Variants in CCSER2 observed in about 807,000 individuals in gnomAD.
The protein encoded by CCSER2 is coiled-coil serine rich protein 2.
A neutral mutation model predicts 92.3 loss-of-function variants in CCSER2; 46 were observed. The observed-to-expected ratio is 0.50, with a 90% CI of 0.39 to 0.64. CCSER2 has a LOEUF of 0.64. Among genes scored for constraint, CCSER2 ranks in the 30% least tolerant of loss-of-function variants. The pLI, the probability that CCSER2 is intolerant of heterozygous loss-of-function variation, is 0.00. For synonymous variants in CCSER2, 433 were observed against 431.4 expected (o/e 1.00, Z -0.04); for missense variants, 1,244 against 1,238.9 (o/e 1.00, Z -0.06).
In CCSER2 at chr10:84,517,331, A is replaced by G. The variant is rs541471998; in HGVS notation, c.*3064A>G. The G allele has an allele frequency of 6.5e-6, 1 of 152,746 alleles. No individual in the cohort carries two copies. The highest frequency in any genetic ancestry group is 1.5e-5 in the Non-Finnish European group (1 of 68,018). The allele number at this position is 152,746 out of a possible 1,614,324, so 9.5% of individuals were successfully genotyped here. A position where few individuals can be genotyped will look rare whatever the true frequency, so the allele number is the denominator to read the frequency against. On this transcript the variant is annotated 3_prime_UTR_variant, in exon 10 of 10. Transcript: ENST00000372088. ...AGGTGCAGATGATTTTAAGGCATTA[A>G]AGGATTATAGAGTTATGTCATTTAG...
chr10:84,403,477 T>C, intron 3 of CCSER2, among the ~76,000 whole-genome samples: 1 of 152,208 alleles, frequency 6.6e-6, no homozygotes, highest in East Asian at 1.9e-4. Flanking sequence ...CAAAAAACTC[T>C]ATTAAGAGGA....
intron 8 of CCSER2, among the ~76,000 whole-genome samples, chr10:84,472,422 T>G (rs1846867933): frequency 6.6e-6 from 1 of 151,754 alleles, no homozygotes; most frequent in South Asian, 2.1e-4. Flanking sequence ...TACAAAAAAT[T>G]TAGCTGGTTG....
At chr10:84,347,647 C>T (rs1330254418) in intron 1 of CCSER2, among the ~76,000 whole-genome samples, 1 of 151,830 alleles carries the variant, frequency 6.6e-6, no homozygotes, top group Non-Finnish European at 1.5e-5. Flanking sequence ...CGGAGACGCT[C>T]CTGACTTCCC....
At chr10:84,385,250 A>C (rs763231931) in intron 3 of CCSER2, among the ~76,000 whole-genome samples, 11 of 152,182 alleles carry the variant, frequency 7.2e-5, no homozygotes, top group Admixed American at 3.3e-4. Context: ...AATTAGAAAA[A>C]ACAATCCTAA....
At chr10:84,330,912 C>G (rs958886457) in intron 1 of CCSER2, among the ~76,000 whole-genome samples, 1 of 152,116 alleles carries the variant, frequency 6.6e-6, no homozygotes, top group Non-Finnish European at 1.5e-5. Flanking sequence ...CGCAAAGTCA[C>G]GCAGGTAGAA....
At chr10:84,428,377 C>T (rs1035707722) in intron 5 of CCSER2, among the ~76,000 whole-genome samples, 5 of 152,068 alleles carry the variant, frequency 3.3e-5, no homozygotes, top group East Asian at 1.9e-4. Context: ...CTAATGCTGC[C>T]GCTGATACGA....
At chr10:84,396,932 A>T (rs1197692159) in intron 3 of CCSER2, among the ~76,000 whole-genome samples, 8 of 152,188 alleles carry the variant, frequency 5.3e-5, no homozygotes, top group Non-Finnish European at 2.9e-5. Context: ...GGGCATCAAG[A>T]TTGTTTCCAA....
chr10:84,359,355 T>C (rs951696789), intron 1 of CCSER2, among the ~76,000 whole-genome samples: 2 of 152,026 alleles, frequency 1.3e-5, no homozygotes, highest in Admixed American at 6.6e-5. Context: ...TATGTGAGGG[T>C]CAGGTCAAGA....
chr10:84,381,977 T>C (rs1000998200), intron 3 of CCSER2, among the ~76,000 whole-genome samples: 1 of 151,580 alleles, frequency 6.6e-6, no homozygotes, highest in African/African-American at 2.4e-5. Context: ...TCTTTGCATG[T>C]ATTGTCACAA....
intron 3 of CCSER2, among the ~76,000 whole-genome samples, chr10:84,394,748 T>C (rs1302553732): frequency 5.9e-5 from 9 of 152,086 alleles, no homozygotes; most frequent in Admixed American, 5.2e-4. Context: ...TAACATTAAA[T>C]ATTATAAATA....
chr10:84,392,366 G>A (rs1841575055), intron 3 of CCSER2, among the ~76,000 whole-genome samples: 1 of 138,546 alleles, frequency 7.2e-6, no homozygotes, highest in African/African-American at 2.6e-5. Context: ...TCACAAAACA[G>A]CACATTGTGG....
intron 6 of CCSER2, among the ~76,000 whole-genome samples, chr10:84,444,656 A>G (rs1370038349): frequency 2.0e-5 from 3 of 152,152 alleles, no homozygotes; most frequent in Non-Finnish European, 4.4e-5. Flanking sequence ...ATACAACACT[A>G]ATTCTACCAT....
chr10:84,361,491 A>C (rs890093528), intron 1 of CCSER2, among the ~76,000 whole-genome samples: 2 of 152,214 alleles, frequency 1.3e-5, no homozygotes, highest in Admixed American at 6.5e-5. Context: ...TCTGACCTTC[A>C]TATAAATGGA....
At chr10:84,462,197 T>C (rs1453848358) in intron 6 of CCSER2, among the ~76,000 whole-genome samples, 1 of 152,228 alleles carries the variant, frequency 6.6e-6, no homozygotes, top group Non-Finnish European at 1.5e-5. Flanking sequence ...ATGGAGCTAC[T>C]TTACTCAGTT....
Position 84,373,651 on chromosome 10 carries a change from A to C in CCSER2, c.1450A>C (p.Asn484His). ...TGAATGTACAAAACATACTTCTGGG[A>C]ATAATTTGGTTTCACCAGATACAGA... ...RSECTKHTSG[N>H]NLVSPDTDYR... Residue 484 changes from asparagine (N) to histidine (H), a missense_variant, in exon 3 of 10, where the codon AAT becomes CAT. Physicochemically the swap from Asn to His is moderately conservative, Grantham distance 68 (BLOSUM62 1). Coordinates refer to ENST00000372088, the MANE Select transcript of CCSER2 (RefSeq NM_001284240.2). 1.2e-6 allele frequency: 2 copies of C among 1,613,048 alleles called. No individual in the cohort carries two copies. Among genetic ancestry groups the C allele is most frequent in the Non-Finnish European group, 8.5e-7 (1 of 1,179,302 alleles).
intron 1 of CCSER2, among the ~76,000 whole-genome samples, chr10:84,356,407 T>A (rs776134163): frequency 5.9e-5 from 9 of 152,112 alleles, no homozygotes; most frequent in Non-Finnish European, 1.0e-4. Flanking sequence ...CTATTAAGAG[T>A]TGTGTGAGCA....
intron 9 of CCSER2, among the ~76,000 whole-genome samples, chr10:84,505,417 A>ATT (rs1848988479): frequency 6.6e-6 from 1 of 152,224 alleles, no homozygotes; most frequent in Non-Finnish European, 1.5e-5. Context: ...CAATTGTTGA[A>ATT]TTGTCAAACA....
At chr10:84,334,340 A>T (rs1426941901) in intron 1 of CCSER2, among the ~76,000 whole-genome samples, 2 of 151,968 alleles carry the variant, frequency 1.3e-5, no homozygotes, top group Non-Finnish European at 2.9e-5. Context: ...CTGGGGTGTG[A>T]TTCAGCCTAT....
Position 84,517,753 on chromosome 10 carries a change from A to G in CCSER2, c.*3486A>G, listed in dbSNP as rs1434110671. 1 of 152,608 alleles carries G rather than the reference A, an allele frequency of 6.6e-6. No homozygotes were observed. The highest frequency in any genetic ancestry group is 1.5e-5 in the Non-Finnish European group (1 of 68,042). The allele number at this position is 152,608 out of a possible 1,614,324, so 9.5% of individuals were successfully genotyped here. On this transcript the variant is annotated 3_prime_UTR_variant, in exon 10 of 10. Coordinates refer to ENST00000372088, the MANE Select transcript of CCSER2 (RefSeq NM_001284240.2). ...TATTTTACTTTTTTCTCAGTACATC[A>G]GAGAGAGCGTGATCCCCCTACAGCT... is the stretch of plus-strand genomic sequence containing the variant.
Sources: gnomAD v4.1 joint callset for allele counts (sites outside exome capture counted in the v4.1 genomes callset) on GRCh38, gnomAD v4.1.1 for gene constraint, MANE v1.5 for transcripts, NCBI Gene and HGNC (gene_info 2026-07-23, HGNC 2026-07-21) for gene names.